The following FAAH2 variants were observed in gnomAD, a reference collection of about 807,000 sequenced individuals.
FAAH2 encodes fatty acid amide hydrolase 2.
Under a neutral mutation model 36.9 loss-of-function variants are expected in FAAH2, and 60 were observed. The ratio of observed to expected loss-of-function variants is 1.63; its 90% CI spans 1.32 to 2.02. FAAH2 has a LOEUF of 2.02. Ranked by LOEUF, FAAH2 falls within the 30% of genes most tolerant of loss-of-function variation. The pLI is 0.00. For missense variants in FAAH2, 689 were observed against 397.5 expected (o/e 1.73, Z -6.23); for synonymous variants, 214 against 143.8 (o/e 1.49, Z -3.49).
chrX:57,139,023 T>C, the FAAH2 span, among the ~76,000 whole-genome samples: 1 of 112,253 alleles, frequency 8.9e-6, no homozygotes, highest in Non-Finnish European at 1.9e-5. Context: ...CTCTTCATTT[T>C]ATGATTGTTT....
intron 10 of FAAH2, among the ~76,000 whole-genome samples, chrX:57,466,210 A>T (rs1218725970): frequency 2.0e-5 from 2 of 101,806 alleles, no homozygotes; most frequent in African/African-American, 7.1e-5. Flanking sequence ...CATAACTATA[A>T]TAACACAGAA....
intron 3 of FAAH2, among the ~76,000 whole-genome samples, chrX:57,323,619 T>A (rs1166025444): frequency 9.0e-6 from 1 of 111,258 alleles, no homozygotes; most frequent in Non-Finnish European, 1.9e-5. Flanking sequence ...GTCTTTTGGC[T>A]GCATAAATGT....
chrX:57,436,695 T>A (rs1362820549), intron 8 of FAAH2, among the ~76,000 whole-genome samples: 8 of 111,312 alleles, frequency 7.2e-5, no homozygotes, highest in African/African-American at 2.6e-4. Flanking sequence ...CCCGTTTGAA[T>A]CAGGAGGTAA....
intron 4 of FAAH2, among the ~76,000 whole-genome samples, chrX:57,337,440 A>G (rs1203745639): frequency 9.0e-6 from 1 of 111,506 alleles, no homozygotes; most frequent in Non-Finnish European, 1.9e-5. Context: ...AAAACCTGGC[A>G]GAGAAAAAAT....
chrX:57,279,708 G>T, the FAAH2 span, among the ~76,000 whole-genome samples: 4 of 111,918 alleles, frequency 3.6e-5, no homozygotes, highest in Non-Finnish European at 7.5e-5. Flanking sequence ...CAATAAATAT[G>T]ATTCATCACA....
chrX:57,227,963 C>A, the FAAH2 span, among the ~76,000 whole-genome samples: 20 of 111,746 alleles, frequency 1.8e-4, no homozygotes, highest in Non-Finnish European at 3.0e-4. Flanking sequence ...AGCTCTCACT[C>A]AAACCGAAGG....
the FAAH2 span, among the ~76,000 whole-genome samples, chrX:57,234,943 C>T: frequency 9.0e-6 from 1 of 111,350 alleles, no homozygotes; most frequent in African/African-American, 3.3e-5. Flanking sequence ...GAGGCTGAGA[C>T]AGGAAAATTG....
At chrX:57,299,548 G>C (rs1027010583) in intron 2 of FAAH2, among the ~76,000 whole-genome samples, 5 of 111,760 alleles carry the variant, frequency 4.5e-5, no homozygotes, top group Non-Finnish European at 9.4e-5. Context: ...ACTGGCACAA[G>C]ACAGGGATGC....
chrX:57,238,850 A>G, the FAAH2 span, among the ~76,000 whole-genome samples: 7 of 110,847 alleles, frequency 6.3e-5, no homozygotes, highest in Admixed American at 2.9e-4. Flanking sequence ...TTTTGTGTAC[A>G]CGTGTATTCA....
In FAAH2 at chrX:57,325,648, A is replaced by G. The variant is rs1332990059; in HGVS notation, c.413-5950A>G. On this transcript the variant is annotated intron_variant, in intron 3 of 10. Coordinates refer to ENST00000374900, the MANE Select transcript of FAAH2 (RefSeq NM_174912.4). ...GCATACAGGTGTTTATAGTAGTCTG[A>G]TGGTAGTTTGTATTTCTGTGGGATC... Among the ~76,000 whole-genome samples, 8 of 92,088 alleles carry G rather than the reference A, an allele frequency of 8.7e-5. No individual in the cohort carries two copies. The East Asian group carries it at 2.5e-3, about 28-fold the overall frequency. The allele number at this position is 92,088 out of a possible 115,157, so 80.0% of individuals were successfully genotyped here. A position where few individuals can be genotyped will look rare whatever the true frequency, so the allele number is the denominator to read the frequency against.
At chrX:57,158,753 C>G in the FAAH2 span, among the ~76,000 whole-genome samples, 51 of 111,897 alleles carry the variant, frequency 4.6e-4, no homozygotes, top group African/African-American at 1.5e-3. Context: ...AGCCCTTTGT[C>G]AGATGAGTAG....
rs193085835 is a variant in FAAH2, at chrX:57,435,617, T to A, written c.1116+3580T>A. Among the ~76,000 whole-genome samples, 5 of 110,026 alleles carry A rather than the reference T, an allele frequency of 4.5e-5. No individual in the cohort carries two copies. In the Admixed American group the frequency reaches 4.9e-4, roughly 11 times the overall value. Reference sequence around the variant, plus strand: ...GACAAATAAGGTCATTGTATAATGATAAAAGGATCAATGCAACAGGAGGAT... The same window carrying A: ...GACAAATAAGGTCATTGTATAATGAAAAAAGGATCAATGCAACAGGAGGAT... On this transcript the variant is annotated intron_variant, in intron 8 of 10. Transcript: ENST00000374900.
chrX:57,425,502 C>CA (rs1348754825), intron 7 of FAAH2, among the ~76,000 whole-genome samples: 2 of 111,822 alleles, frequency 1.8e-5, no homozygotes, highest in Non-Finnish European at 3.8e-5. Context: ...AAGCCCATCA[C>CA]ATAAACAGCA....
At chrX:57,399,337 T>C (rs964664943) in intron 7 of FAAH2, among the ~76,000 whole-genome samples, 1 of 111,918 alleles carries the variant, frequency 8.9e-6, no homozygotes, top group African/African-American at 3.3e-5. Flanking sequence ...GTGCTATCAA[T>C]GCCTAAGTGA....
intron 2 of FAAH2, among the ~76,000 whole-genome samples, chrX:57,309,627 C>A (rs2052635542): frequency 9.0e-6 from 1 of 111,029 alleles, no homozygotes; most frequent in Non-Finnish European, 1.9e-5. Context: ...CCTGAGAGGC[C>A]CCAGTGTGTG....
At chrX:57,465,318 G>A (rs2057030119) in intron 10 of FAAH2, among the ~76,000 whole-genome samples, 1 of 111,369 alleles carries the variant, frequency 9.0e-6, no homozygotes, top group South Asian at 3.7e-4. Context: ...AGATGAGTAA[G>A]AAAAGATGAA....
chrX:57,449,401 C>T (rs746241323), intron 10 of FAAH2, among the ~76,000 whole-genome samples: 10 of 111,951 alleles, frequency 8.9e-5, no homozygotes, highest in Non-Finnish European at 1.3e-4. Context: ...CTTTGCTCTG[C>T]AATTTTCTAC....
the FAAH2 span, among the ~76,000 whole-genome samples, chrX:57,211,810 T>C: frequency 0.012 from 1,310 of 111,852 alleles, 17 homozygotes; most frequent in African/African-American, 0.041. Flanking sequence ...CACTAGTCTA[T>C]TTATAGGCAA....
chrX:57,466,156 C>CTCTCTCTCTCTATATATA (rs1287266105), intron 10 of FAAH2, among the ~76,000 whole-genome samples: 44 of 66,390 alleles, frequency 6.6e-4, no homozygotes, highest in Non-Finnish European at 8.6e-4. Flanking sequence ...CTCTCTCTCT[C>CTCTCTCTCTCTATATATA]TATATATATA....
Sources: allele counts gnomAD v4.1 joint callset (sites outside exome capture counted in the v4.1 genomes callset), GRCh38; gene constraint gnomAD v4.1.1; transcripts MANE v1.5; gene names NCBI Gene and HGNC (gene_info 2026-07-23, HGNC 2026-07-21).